The following DCLK1 variants were observed in gnomAD, a reference collection of about 807,000 sequenced individuals.
DCLK1 encodes serine/threonine-protein kinase DCLK1.
DCLK1 carries 16 observed loss-of-function variants against 86.2 expected under a neutral mutation model. The observed-to-expected ratio is 0.19, with a 90% CI of 0.13 to 0.28. The LOEUF (loss-of-function observed/expected upper bound fraction) is 0.28, where lower values mean the gene tolerates loss of function less well. DCLK1 is among the 10% of genes least tolerant of loss of function. DCLK1 has a pLI of 1.00. For missense variants in DCLK1, 590 were observed against 940.2 expected (o/e 0.63, Z 4.87); for synonymous variants, 369 against 370.5 (o/e 1.00, Z 0.05).
intron 8 of DCLK1, among the ~76,000 whole-genome samples, chr13:35,828,965 T>G (rs985976282): frequency 2.2e-4 from 34 of 152,172 alleles, no homozygotes; most frequent in Admixed American, 7.2e-4. Flanking sequence ...AACTCATAGA[T>G]GATATGGTCA....
intron 3 of DCLK1, among the ~76,000 whole-genome samples, chr13:36,014,023 C>T (rs1881421261): frequency 6.6e-6 from 1 of 152,222 alleles, no homozygotes. Flanking sequence ...CTCCCTGACC[C>T]CTTGTGCTTC....
intron 8 of DCLK1, 55 bp downstream of exon 8, chr13:35,835,978 A>G: frequency 7.7e-7 from 1 of 1,299,184 alleles, no homozygotes. Context: ...CAATCTTGGA[A>G]AACATAACGC....
At chr13:35,954,019 C>T (rs189680490) in intron 3 of DCLK1, among the ~76,000 whole-genome samples, 23 of 152,192 alleles carry the variant, frequency 1.5e-4, no homozygotes, top group Non-Finnish European at 2.5e-4. Context: ...GAAGTAAAAA[C>T]GAATAAATTC....
At chr13:36,055,243 C>T (rs1883259998) in intron 3 of DCLK1, among the ~76,000 whole-genome samples, 1 of 152,060 alleles carries the variant, frequency 6.6e-6, no homozygotes, top group South Asian at 2.1e-4. Context: ...TTCGACATAC[C>T]AACCTGGACG....
At chr13:36,056,906 A>AAATATAT (rs4054844) in intron 3 of DCLK1, among the ~76,000 whole-genome samples, 26 of 130,170 alleles carry the variant, frequency 2.0e-4, no homozygotes, top group Middle Eastern at 4.3e-3. Flanking sequence ...AAAAAAAAAA[A>AAATATAT]ATATATATAT....
At chr13:35,860,487 A>ATTCAAC in intron 5 of DCLK1, among the ~76,000 whole-genome samples, 1 of 152,000 alleles carries the variant, frequency 6.6e-6, no homozygotes, top group South Asian at 2.1e-4. Flanking sequence ...AACTGAGACA[A>ATTCAAC]TGGGTCCAAT....
intron 3 of DCLK1, among the ~76,000 whole-genome samples, chr13:35,970,430 T>A (rs949578246): frequency 6.6e-6 from 1 of 152,212 alleles, no homozygotes; most frequent in African/African-American, 2.4e-5. Flanking sequence ...GTTTGTCCCC[T>A]CCAAAACTCA....
chr13:35,978,652 T>C (rs181672398), intron 3 of DCLK1, among the ~76,000 whole-genome samples: 1 of 152,116 alleles, frequency 6.6e-6, no homozygotes, highest in Non-Finnish European at 1.5e-5. Context: ...ACCAATGAAA[T>C]AGAATTTGAA....
chr13:36,007,986 T>C (rs571481712), intron 3 of DCLK1, among the ~76,000 whole-genome samples: 24 of 152,124 alleles, frequency 1.6e-4, no homozygotes, highest in African/African-American at 5.8e-4. Context: ...GAGTAATTAA[T>C]ACAATTTTTA....
chr13:35,919,987 A>G (rs1875699639), intron 4 of DCLK1, among the ~76,000 whole-genome samples: 2 of 152,052 alleles, frequency 1.3e-5, no homozygotes, highest in Admixed American at 1.3e-4. Flanking sequence ...TAAATACATT[A>G]ATCAGTAGCA....
intron 10 of DCLK1, among the ~76,000 whole-genome samples, chr13:35,824,533 TG>T (rs1322398894): frequency 6.6e-6 from 1 of 152,086 alleles, no homozygotes; most frequent in African/African-American, 2.4e-5. Context: ...GGTCCTTTCT[TG>T]GACACGTTTT....
chr13:36,110,708 T>C (rs1350470071), intron 3 of DCLK1, among the ~76,000 whole-genome samples: 1 of 152,104 alleles, frequency 6.6e-6, no homozygotes. Context: ...AAAAAATTTT[T>C]TAAAAAAGCA....
At chr13:35,975,256 A>G (rs1277571438) in intron 3 of DCLK1, among the ~76,000 whole-genome samples, 1 of 152,206 alleles carries the variant, frequency 6.6e-6, no homozygotes, top group African/African-American at 2.4e-5. Flanking sequence ...CTTGGGCAGG[A>G]AAAAACACTT....
At chr13:35,785,659 C>T (rs1057161854) in intron 16 of DCLK1, among the ~76,000 whole-genome samples, 2 of 152,114 alleles carry the variant, frequency 1.3e-5, no homozygotes, top group Non-Finnish European at 2.9e-5. Context: ...CAGCCTGTGC[C>T]CTCATGTGAT....
chr13:35,832,190 G>A (rs1342633014), intron 8 of DCLK1, among the ~76,000 whole-genome samples: 20 of 152,072 alleles, frequency 1.3e-4, no homozygotes, highest in Non-Finnish European at 1.5e-5. Context: ...TAGCTATTCA[G>A]GAGGCCAAGG....
chr13:35,992,521 A>C (rs1351332704), intron 3 of DCLK1, among the ~76,000 whole-genome samples: 1 of 151,720 alleles, frequency 6.6e-6, no homozygotes, highest in African/African-American at 2.4e-5. Context: ...AGTTTTGTGC[A>C]TTTCTAACTT....
chr13:35,936,276 A>G (rs773785264), intron 4 of DCLK1, among the ~76,000 whole-genome samples: 5 of 152,236 alleles, frequency 3.3e-5, no homozygotes, highest in Non-Finnish European at 7.3e-5. Context: ...GAACTACTAC[A>G]TATGTTAGGC....
rs2086377311 is a variant in DCLK1, at chr13:35,773,976, T to C, written c.*559A>G. The C allele has an allele frequency of 6.6e-6, 1 of 152,176 alleles. No individual in the cohort carries two copies. Among genetic ancestry groups the C allele is most frequent in the African/African-American group, 2.4e-5 (1 of 41,376 alleles). 9.4% of individuals were successfully genotyped at this position (152,176 alleles called of 1,614,324 possible). On this transcript the variant is annotated 3_prime_UTR_variant, in exon 17 of 17. Transcript: ENST00000360631. ...ATGAAAAAAAAAATCTGTTTCTGAA[T>C]AGGATTGTGAAGAAGAAAGAACCGT... is the stretch of plus-strand genomic sequence containing the variant.
intron 10 of DCLK1, among the ~76,000 whole-genome samples, chr13:35,826,523 CAA>C (rs533243711): frequency 2.0e-4 from 4 of 19,822 alleles, no homozygotes; most frequent in African/African-American, 3.8e-4. Flanking sequence ...AACTCCATCT[CAA>C]AAAAAAAAAA....
Sources: allele counts gnomAD v4.1 joint callset (sites outside exome capture counted in the v4.1 genomes callset), GRCh38; gene constraint gnomAD v4.1.1; transcripts MANE v1.5; gene names NCBI Gene and HGNC (gene_info 2026-07-23, HGNC 2026-07-21).